The following PCDH15 variants were observed in gnomAD, a reference collection of about 807,000 sequenced individuals.
The protein encoded by PCDH15 is protocadherin-15.
Under a neutral mutation model 178.5 loss-of-function variants are expected in PCDH15, and 129 were observed. The ratio of observed to expected loss-of-function variants is 0.72; its 90% CI spans 0.63 to 0.84. The LOEUF is 0.84. Ranked by LOEUF, PCDH15 falls within the 40% of genes least tolerant of loss-of-function variation. The pLI, the probability that PCDH15 is intolerant of heterozygous loss-of-function variation, is 0.00. For synonymous variants in PCDH15, 800 were observed against 732.0 expected, an observed-to-expected ratio of 1.09 and a Z score of -1.50; for missense variants, 2,230 against 2,099.9, an observed-to-expected ratio of 1.06 and a Z score of -1.21.
rs150383478 is a variant in PCDH15, at chr10:55,368,188, A to G, written c.-155-201537T>C. 2.8e-3 allele frequency among the ~76,000 whole-genome samples: 430 copies of G among 152,204 alleles called. 1 individual carries two copies. The highest frequency in any genetic ancestry group is 9.9e-3 in the African/African-American group (411 of 41,552). On this transcript the variant is annotated intron_variant, in intron 2 of 5. Coordinates refer to the PCDH15 transcript ENST00000613346. ...TCTCACTCTCCATTTTATTTTTATG[A>G]ATAGACATAGTTTTTGTCAATGATT...
In PCDH15 at chr10:54,535,709, CAAAAAAAAAA is replaced by C. The variant is rs71010382; in HGVS notation, c.92-7842_92-7833del. On this transcript the variant is annotated intron_variant, in intron 2 of 37. Transcript: ENST00000644397. ...TGGCAGACAGAGCGAGACTCCACCT[CAAAAAAAAAA>C]AAAAAAAAAAAAAAAGAAGTTTAAG... 5.4e-4 allele frequency among the ~76,000 whole-genome samples: 23 copies of C among 42,618 alleles called. 1 individual carries two copies. Among genetic ancestry groups the C allele is most frequent in the African/African-American group, 2.3e-3 (22 of 9,750 alleles). 28.0% of individuals were successfully genotyped at this position (42,618 alleles called of 152,430 possible).
At chr10:54,875,941 G>C (rs1375643148) in intron 3 of PCDH15, among the ~76,000 whole-genome samples, 1 of 152,118 alleles carries the variant, frequency 6.6e-6, no homozygotes, top group Non-Finnish European at 1.5e-5. Context: ...CAATGTAGAT[G>C]AAAGAACCTT....
chr10:54,517,310 A>G (rs976214606), intron 3 of PCDH15, among the ~76,000 whole-genome samples: 8 of 152,192 alleles, frequency 5.3e-5, no homozygotes, highest in African/African-American at 1.9e-4. Flanking sequence ...TATATTCAGG[A>G]AACCCATCTC....
At chr10:55,061,764 T>C (rs1244792662) in intron 2 of PCDH15, among the ~76,000 whole-genome samples, 1 of 152,178 alleles carries the variant, frequency 6.6e-6, no homozygotes, top group African/African-American at 2.4e-5. Flanking sequence ...CTTACGCCTG[T>C]AATCCCAGGA....
rs745704467 is a variant in PCDH15 at position 55,191,972 on chromosome 10, CGTT to C, written c.-155-25324_-155-25322del. Among the ~76,000 whole-genome samples, 8 of 151,948 alleles carry C rather than the reference CGTT, an allele frequency of 5.3e-5. No individual in the cohort carries two copies. The East Asian group carries it at 5.8e-4, about 11-fold the overall frequency. On this transcript the variant is annotated intron_variant, in intron 1 of 5. Transcript: ENST00000458638. ...TAAAAAAAATTAGTTAAAAAATAGA[CGTT>C]GTCACACTTTTCAGACAAGAAAATG...
chr10:55,219,636 A>T (rs1167404107), intron 1 of PCDH15, among the ~76,000 whole-genome samples: 1 of 151,788 alleles, frequency 6.6e-6, no homozygotes, highest in African/African-American at 2.4e-5. Flanking sequence ...TTCAAATATG[A>T]TAAAGTAAAT....
chr10:54,361,883 C>T (rs1001049145), intron 5 of PCDH15, among the ~76,000 whole-genome samples: 9 of 151,996 alleles, frequency 5.9e-5, no homozygotes, highest in Non-Finnish European at 1.3e-4. Flanking sequence ...TGTATGTATA[C>T]AATATGGTGA....
At chr10:55,559,741 G>T (rs1482535254) in intron 2 of PCDH15, among the ~76,000 whole-genome samples, 1 of 151,828 alleles carries the variant, frequency 6.6e-6, no homozygotes, top group Admixed American at 6.6e-5. Context: ...TCTGCCAGCA[G>T]AATTCAGTCT....
intron 3 of PCDH15, among the ~76,000 whole-genome samples, chr10:54,425,708 G>C (rs1956193264): frequency 6.6e-6 from 1 of 152,120 alleles, no homozygotes; most frequent in Non-Finnish European, 1.5e-5. Context: ...GTCTGGCATT[G>C]TGATAAAGCA....
At chr10:55,453,174 C>A (rs1263499213) in intron 2 of PCDH15, among the ~76,000 whole-genome samples, 2 of 152,136 alleles carry the variant, frequency 1.3e-5, no homozygotes, top group African/African-American at 2.4e-5. Flanking sequence ...TAGCCCTGTG[C>A]TTTCAGTCTG....
chr10:54,346,494 A>G lies in PCDH15; in HGVS notation c.475-10T>C. 6 of 1,613,278 alleles carry G rather than the reference A, an allele frequency of 3.7e-6. No individual in the cohort carries two copies. The highest frequency in any genetic ancestry group is 5.1e-6 in the Non-Finnish European group (6 of 1,179,840). ...TACCAACTGGAGTGAGCTGAAAGGAAAAAAGATTTTAAATATCAATTTTCA... is the reference window on the plus strand; with the variant it reads ...TACCAACTGGAGTGAGCTGAAAGGAGAAAAGATTTTAAATATCAATTTTCA... On this transcript the variant is annotated splice_polypyrimidine_tract_variant and intron_variant, in intron 5 of 37. Transcript: ENST00000644397.
chr10:55,491,994 A>G (rs1487754474), intron 2 of PCDH15, among the ~76,000 whole-genome samples: 1 of 151,700 alleles, frequency 6.6e-6, no homozygotes, highest in Non-Finnish European at 1.5e-5. Context: ...AGAGAGCAAA[A>G]GCCTCACTGG....
chr10:54,366,770 A>C (rs531767909), intron 5 of PCDH15, among the ~76,000 whole-genome samples: 32 of 152,124 alleles, frequency 2.1e-4, no homozygotes, highest in African/African-American at 7.7e-4. Flanking sequence ...AAAGGTGAAA[A>C]ATATGACCAT....
intron 21 of PCDH15, among the ~76,000 whole-genome samples, chr10:53,965,098 C>T: frequency 6.6e-6 from 1 of 151,286 alleles, no homozygotes; most frequent in Non-Finnish European, 1.5e-5. Flanking sequence ...TGTACTCTTA[C>T]CCGGGCTGGA....
At chr10:54,143,686 G>A (rs1213905332) in intron 14 of PCDH15, among the ~76,000 whole-genome samples, 1 of 151,802 alleles carries the variant, frequency 6.6e-6, no homozygotes, top group African/African-American at 2.4e-5. Context: ...TTTTTGTTTT[G>A]TTTTTCAGAG....
intron 20 of PCDH15, among the ~76,000 whole-genome samples, chr10:53,999,809 G>T (rs893496541): frequency 6.6e-6 from 1 of 152,188 alleles, no homozygotes; most frequent in African/African-American, 2.4e-5. Context: ...GGTCTGGCTG[G>T]CTTTGCCACC....
At chr10:54,791,018 C>A (rs1463645814) in intron 1 of PCDH15, among the ~76,000 whole-genome samples, 1 of 151,834 alleles carries the variant, frequency 6.6e-6, no homozygotes. Flanking sequence ...CAAAAATACT[C>A]AAAATACTCC....
intron 9 of PCDH15, among the ~76,000 whole-genome samples, chr10:54,222,315 A>T (rs1198082782): frequency 2.0e-5 from 3 of 152,204 alleles, no homozygotes; most frequent in Non-Finnish European, 4.4e-5. Flanking sequence ...TGGTTTTATG[A>T]TCAAATAACT....
At chr10:55,219,762 A>G (rs893518711) in intron 1 of PCDH15, among the ~76,000 whole-genome samples, 1 of 151,796 alleles carries the variant, frequency 6.6e-6, no homozygotes, top group Non-Finnish European at 1.5e-5. Flanking sequence ...AGCTAACATA[A>G]TGTAATTGTT....
Sources: allele counts gnomAD v4.1 joint callset (sites outside exome capture counted in the v4.1 genomes callset), GRCh38; gene constraint gnomAD v4.1.1; transcripts MANE v1.5; gene names NCBI Gene and HGNC (gene_info 2026-07-23, HGNC 2026-07-21).